Variants in TNR observed in about 807,000 individuals in gnomAD.
The protein encoded by TNR is tenascin R.
A neutral mutation model predicts 150.4 loss-of-function variants in TNR; 45 were observed. The ratio of observed to expected loss-of-function variants is 0.30; its 90% CI spans 0.24 to 0.38. The LOEUF is 0.38. Ranked by LOEUF, TNR falls within the 10% of genes least tolerant of loss-of-function variation. TNR has a pLI of 1.00. For missense variants in TNR, 1,544 were observed against 1,759.1 expected, an observed-to-expected ratio of 0.88 and a Z score of 2.19; for synonymous variants, 687 against 678.4, an observed-to-expected ratio of 1.01 and a Z score of -0.20.
At chr1:175,572,074 C>G (rs1251041418) in intron 1 of TNR, among the ~76,000 whole-genome samples, 1 of 152,120 alleles carries the variant, frequency 6.6e-6, no homozygotes, top group African/African-American at 2.4e-5. Flanking sequence ...TCTGTGCTGT[C>G]TGAGCACCTT....
intron 1 of TNR, among the ~76,000 whole-genome samples, chr1:175,694,794 G>C (rs967336612): frequency 6.6e-6 from 1 of 152,286 alleles, no homozygotes; most frequent in East Asian, 1.9e-4. Flanking sequence ...TGTAGACACA[G>C]TGAGAAGAAG....
intron 15 of TNR, among the ~76,000 whole-genome samples, chr1:175,359,307 G>C (rs112698310): frequency 1.3e-5 from 2 of 151,518 alleles, no homozygotes; most frequent in African/African-American, 4.8e-5. Context: ...CACCACTTCC[G>C]GCTAATTTTT....
intron 2 of TNR, among the ~76,000 whole-genome samples, chr1:175,458,926 A>G (rs748105661): frequency 6.8e-6 from 1 of 148,028 alleles, no homozygotes; most frequent in Non-Finnish European, 1.5e-5. Flanking sequence ...CACCACCACC[A>G]TCATCACCAC....
chr1:175,735,940 G>T (rs1444595663), intron 1 of TNR, among the ~76,000 whole-genome samples: 8 of 152,138 alleles, frequency 5.3e-5, no homozygotes, highest in Non-Finnish European at 1.0e-4. Flanking sequence ...ATTGGCTCTT[G>T]GTACTAAAAG....
chr1:175,362,830 C>T (rs1416443463), intron 13 of TNR, 21 bp from the exon 14 acceptor site: 1 of 1,613,374 alleles, frequency 6.2e-7, no homozygotes, highest in Non-Finnish European at 8.5e-7. Context: ...GAAGAATCTA[C>T]AGTTAAAATT....
chr1:175,586,364 C>CT (rs1662571409), intron 1 of TNR, among the ~76,000 whole-genome samples: 4 of 152,074 alleles, frequency 2.6e-5, no homozygotes, highest in South Asian at 4.2e-4. Context: ...TTTCCTTATA[C>CT]TTTTTTTTCC....
At chr1:175,648,289 T>C (rs1188092637) in intron 1 of TNR, among the ~76,000 whole-genome samples, 1 of 152,144 alleles carries the variant, frequency 6.6e-6, no homozygotes, top group African/African-American at 2.4e-5. Flanking sequence ...TAATACGTGC[T>C]CAATGGATAT....
In TNR at chr1:175,702,942, G is replaced by T. The variant is rs1326058158; in HGVS notation, c.-165+40284C>A. Among the ~76,000 whole-genome samples, 2 of 152,014 alleles carry T rather than the reference G, an allele frequency of 1.3e-5. 1 individual carries two copies. Among genetic ancestry groups the T allele is most frequent in the Non-Finnish European group, 2.9e-5 (2 of 68,014 alleles). ...AGTTTGCTACCACAGACAGTTTCCT[G>T]CTCAAATATAGTAATCCAAAATATC... On this transcript the variant is annotated intron_variant, in intron 1 of 22. Coordinates refer to ENST00000367674, the MANE Select transcript of TNR (RefSeq NM_003285.3).
chr1:175,707,297 T>C (rs1214611556), intron 1 of TNR, among the ~76,000 whole-genome samples: 1 of 152,208 alleles, frequency 6.6e-6, no homozygotes, highest in Non-Finnish European at 1.5e-5. Flanking sequence ...CTCTGAATGT[T>C]ATGTGGATTC....
At chr1:175,395,915 G>A (rs187015638) in intron 5 of TNR, among the ~76,000 whole-genome samples, 1 of 152,192 alleles carries the variant, frequency 6.6e-6, no homozygotes, top group East Asian at 1.9e-4. Context: ...ATTTCTTATG[G>A]AGAGCAGTTT....
chr1:175,504,029 C>T (rs531444835), intron 2 of TNR, among the ~76,000 whole-genome samples: 3 of 152,198 alleles, frequency 2.0e-5, no homozygotes, highest in Admixed American at 6.5e-5. Flanking sequence ...GGCTGCACCG[C>T]GGGGTGTACG....
intron 2 of TNR, among the ~76,000 whole-genome samples, chr1:175,422,866 G>T (rs1338513399): frequency 6.6e-6 from 1 of 152,188 alleles, no homozygotes; most frequent in Non-Finnish European, 1.5e-5. Flanking sequence ...GTGATCTTTG[G>T]CCTTCTTTGT....
chr1:175,680,607 G>A (rs984689450), intron 1 of TNR, among the ~76,000 whole-genome samples: 7 of 152,162 alleles, frequency 4.6e-5, no homozygotes, highest in Admixed American at 3.3e-4. Context: ...GAAGCACGAA[G>A]GCTGGGGAAA....
At chr1:175,554,210 G>C (rs1461250567) in intron 1 of TNR, among the ~76,000 whole-genome samples, 2 of 152,118 alleles carry the variant, frequency 1.3e-5, no homozygotes, top group Non-Finnish European at 2.9e-5. Context: ...GCTGAGCCAA[G>C]AGTCAAAGGT....
At chr1:175,552,208 C>T (rs1212736962) in intron 1 of TNR, among the ~76,000 whole-genome samples, 1 of 152,152 alleles carries the variant, frequency 6.6e-6, no homozygotes, top group Non-Finnish European at 1.5e-5. Context: ...TTACACAGTA[C>T]CTTGATAATA....
At chr1:175,370,114 C>T (rs1372701796) in intron 9 of TNR, among the ~76,000 whole-genome samples, 1 of 152,122 alleles carries the variant, frequency 6.6e-6, no homozygotes, top group Non-Finnish European at 1.5e-5. Flanking sequence ...TGACGTCTGA[C>T]ATATCTATAT....
At chr1:175,459,066 C>A (rs955400016) in intron 2 of TNR, among the ~76,000 whole-genome samples, 1 of 152,034 alleles carries the variant, frequency 6.6e-6, no homozygotes, top group South Asian at 2.1e-4. Context: ...ATGACCACCA[C>A]CATCATCACC....
intron 1 of TNR, among the ~76,000 whole-genome samples, chr1:175,597,468 G>A (rs1379407309): frequency 1.3e-5 from 2 of 152,242 alleles, no homozygotes; most frequent in African/African-American, 2.4e-5. Context: ...GATAGAGGGA[G>A]CATTCAGTGA....
chr1:175,336,471 C>T (rs756813752), intron 19 of TNR, among the ~76,000 whole-genome samples: 3 of 152,186 alleles, frequency 2.0e-5, no homozygotes, highest in African/African-American at 7.2e-5. Flanking sequence ...GTTAGCAGAG[C>T]GAGAGAGGGC....
Sources: allele counts gnomAD v4.1 joint callset (sites outside exome capture counted in the v4.1 genomes callset), GRCh38; gene constraint gnomAD v4.1.1; transcripts MANE v1.5; gene names NCBI Gene and HGNC (gene_info 2026-07-23, HGNC 2026-07-21).